The following RANBP2 variants were observed in gnomAD, a reference collection of about 807,000 sequenced individuals.
The protein encoded by RANBP2 is E3 SUMO-protein ligase RanBP2.
In RANBP2, 57 loss-of-function variants were observed where a neutral mutation model predicts 303.6. That is an observed-to-expected ratio of 0.19 (90% confidence interval 0.15 to 0.23). The LOEUF is 0.23. Ranked by LOEUF, RANBP2 falls within the 10% of genes least tolerant of loss-of-function variation. The probability of loss-of-function intolerance (pLI) is 1.00; values close to 1 mark genes in which losing one functional copy is unlikely to be tolerated. For synonymous variants in RANBP2, 1,167 were observed against 1,301.5 expected, an observed-to-expected ratio of 0.90 and a Z score of 2.23; for missense variants, 3,138 against 3,780.8, an observed-to-expected ratio of 0.83 and a Z score of 4.46.
chr2:109,615,502 C>G, the RANBP2 span: 2 of 1,613,646 alleles, frequency 1.2e-6, no homozygotes, highest in South Asian at 2.2e-5. Flanking sequence ...GACGCCAGGA[C>G]GAGCGGGGGT....
chr2:109,286,116 C>T, the RANBP2 span, among the ~76,000 whole-genome samples: 1 of 152,176 alleles, frequency 6.6e-6, no homozygotes, highest in African/African-American at 2.4e-5. Context: ...GGTGCTTGGA[C>T]CCTGCAGGCC....
the RANBP2 span, among the ~76,000 whole-genome samples, chr2:109,102,261 T>C: frequency 6.6e-6 from 1 of 151,812 alleles, no homozygotes; most frequent in East Asian, 1.9e-4. Flanking sequence ...CCACCATGCC[T>C]GGCCAATTTT....
chr2:109,635,790 G>A, the RANBP2 span, among the ~76,000 whole-genome samples: 8 of 152,204 alleles, frequency 5.3e-5, no homozygotes, highest in African/African-American at 7.2e-5. Flanking sequence ...GCACTTTCCC[G>A]GGTCCTAAGT....
the RANBP2 span, chr2:109,543,398 C>T: frequency 6.6e-6 from 1 of 152,048 alleles, no homozygotes; most frequent in Non-Finnish European, 1.5e-5. Flanking sequence ...TGTTTCACCA[C>T]AGTAATACGT....
At chr2:109,015,414 T>A in the RANBP2 span, among the ~76,000 whole-genome samples, 1 of 152,144 alleles carries the variant, frequency 6.6e-6, no homozygotes, top group African/African-American at 2.4e-5. Context: ...TTTCTCTCCC[T>A]TATGCTTTTC....
At chr2:109,544,131 C>G in the RANBP2 span, 7 of 1,532,294 alleles carry the variant, frequency 4.6e-6, no homozygotes, top group South Asian at 8.4e-5. Flanking sequence ...ATCATTCACT[C>G]TGGCTTATGT....
chr2:109,262,655 T>C, the RANBP2 span, among the ~76,000 whole-genome samples: 1 of 152,266 alleles, frequency 6.6e-6, no homozygotes, highest in African/African-American at 2.4e-5. Flanking sequence ...TTTGAATTTC[T>C]GGTTTACCCC....
the RANBP2 span, chr2:109,398,976 G>A: frequency 8.3e-5 from 129 of 1,563,258 alleles, 1 homozygote; most frequent in African/African-American, 1.7e-3. Context: ...AGGCATCCCT[G>A]GGTTCTCTGG....
the RANBP2 span, among the ~76,000 whole-genome samples, chr2:109,433,463 G>A: frequency 6.6e-6 from 1 of 152,214 alleles, no homozygotes; most frequent in African/African-American, 2.4e-5. Flanking sequence ...TCCACAGCTT[G>A]GTGATATCAG....
chr2:109,371,467 T>G, the RANBP2 span: 8 of 747,934 alleles, frequency 1.1e-5, no homozygotes, highest in Middle Eastern at 2.3e-4. Flanking sequence ...AATGCACTCT[T>G]CTTGAACTCA....
chr2:109,573,744 T>C, the RANBP2 span, among the ~76,000 whole-genome samples: 1 of 152,244 alleles, frequency 6.6e-6, no homozygotes, highest in Non-Finnish European at 1.5e-5. Flanking sequence ...GTAAGATTAC[T>C]GTCTTTAGCC....
chr2:109,562,560 C>T, the RANBP2 span, among the ~76,000 whole-genome samples: 1 of 152,144 alleles, frequency 6.6e-6, no homozygotes, highest in African/African-American at 2.4e-5. Flanking sequence ...TTCTAGGCTT[C>T]ATCCCTGGAA....
chr2:109,124,469 T>C, the RANBP2 span: 1 of 150,756 alleles, frequency 6.6e-6, no homozygotes, highest in Non-Finnish European at 1.5e-5. Context: ...CCACCGTGCC[T>C]GGGCTAATTT....
At chr2:109,656,514 A>G in the RANBP2 span, among the ~76,000 whole-genome samples, 1 of 152,068 alleles carries the variant, frequency 6.6e-6, no homozygotes, top group Admixed American at 6.6e-5. Context: ...ATTTTTTTGT[A>G]GTTTTAGTAG....
the RANBP2 span, chr2:109,543,348 T>C: frequency 3.9e-5 from 6 of 152,182 alleles, no homozygotes; most frequent in African/African-American, 7.2e-5. Context: ...TAGGAAAAAA[T>C]AGCTTATATA....
At chr2:109,523,297 A>G in the RANBP2 span, among the ~76,000 whole-genome samples, 7,386 of 152,086 alleles carry the variant, frequency 0.049, 606 homozygotes, top group African/African-American at 0.17. Context: ...GAAGTGACCC[A>G]CTCATGGGTT....
At chr2:109,292,348 A>G in the RANBP2 span, among the ~76,000 whole-genome samples, 1 of 152,238 alleles carries the variant, frequency 6.6e-6, no homozygotes, top group Non-Finnish European at 1.5e-5. Flanking sequence ...TGTTTTTCAA[A>G]CATGGCTGGG....
chr2:108,968,170 A>G, the RANBP2 span, among the ~76,000 whole-genome samples: 1 of 152,142 alleles, frequency 6.6e-6, no homozygotes, highest in Non-Finnish European at 1.5e-5. Flanking sequence ...TTTAGTGGAA[A>G]CTGTCTCTTC....
chr2:109,494,353 A>T, the RANBP2 span, among the ~76,000 whole-genome samples: 2 of 152,088 alleles, frequency 1.3e-5, no homozygotes, highest in Admixed American at 1.3e-4. Flanking sequence ...TTTCCAAAAA[A>T]CAGCCTGAAA....
Sources: allele counts gnomAD v4.1 joint callset (sites outside exome capture counted in the v4.1 genomes callset), GRCh38; gene constraint gnomAD v4.1.1; transcripts MANE v1.5; gene names NCBI Gene and HGNC (gene_info 2026-07-23, HGNC 2026-07-21).